Variants in FREM1 observed in about 807,000 individuals in gnomAD.
FREM1 encodes the protein FRAS1-related extracellular matrix protein 1.
Under a neutral mutation model 210.1 loss-of-function variants are expected in FREM1, and 220 were observed. The ratio of observed to expected loss-of-function variants is 1.05; its 90% CI spans 0.94 to 1.17. The LOEUF (loss-of-function observed/expected upper bound fraction) is 1.17. Among genes scored for constraint, FREM1 ranks in the 50% most tolerant of loss-of-function variants. The pLI, the probability that FREM1 is intolerant of heterozygous loss-of-function variation, is 0.00. For missense variants in FREM1, 3,454 were observed against 2,675.5 expected (o/e 1.29, Z -6.42); for synonymous variants, 1,189 against 980.2 (o/e 1.21, Z -3.98).
chr9:14,771,214 G>A (rs554569789), intron 25 of FREM1, among the ~76,000 whole-genome samples: 1 of 152,296 alleles, frequency 6.6e-6, no homozygotes, highest in Admixed American at 6.5e-5. Context: ...CAGACTTCAT[G>A]TTAACTCCAC....
At chr9:14,805,599 G>T (rs955536704) in intron 18 of FREM1, among the ~76,000 whole-genome samples, 1 of 152,224 alleles carries the variant, frequency 6.6e-6, no homozygotes, top group Non-Finnish European at 1.5e-5. Flanking sequence ...CAAGGTGCTG[G>T]ATTGAGTGGA....
intron 1 of FREM1, among the ~76,000 whole-genome samples, chr9:14,887,214 T>C (rs1201246170): frequency 6.6e-6 from 1 of 152,174 alleles, no homozygotes; most frequent in Non-Finnish European, 1.5e-5. Flanking sequence ...AATCAAGACT[T>C]AGATAGTCTT....
intron 22 of FREM1, among the ~76,000 whole-genome samples, chr9:14,792,441 A>C (rs80242133): frequency 6.6e-4 from 100 of 152,240 alleles, no homozygotes; most frequent in African/African-American, 2.3e-3. Flanking sequence ...ATCACAAAAG[A>C]TCCTGGATTA....
At position 14,776,182 on chromosome 9, in the gene FREM1, C is replaced by T; in HGVS notation, c.4464G>A (p.Leu1488=). The T allele has an allele frequency of 1.3e-6, 2 of 1,524,588 alleles. No individual in the cohort carries two copies. Among genetic ancestry groups the T allele is most frequent in the Non-Finnish European group, 1.8e-6 (2 of 1,136,646 alleles). 94.4% of individuals were successfully genotyped at this position (1,524,588 alleles called of 1,614,324 possible). ...DRFRFIISNG[L]RTEHGVFEIT... ...TCTCAAACACCCCGTGCTCGGTCCG[C>T]AGTCCATTGCTGATGATGAATCTGG... The change falls in exon 25 of 37, where the codon CTG becomes CTA. Residue 1488 remains leucine, a synonymous_variant. Transcript: ENST00000380880.
In FREM1 at chr9:14,819,323, C is replaced by G. The variant is rs763591564; in HGVS notation, c.2457G>C (p.Leu819Phe). ...TCAGCTCCACCCTTCCGTGCAGAGG[C>G]AATTCCCGCAGGGAGAGGTCAATAT... is the stretch of plus-strand genomic sequence containing the variant. ...LDNIDLSLRE[L>F]PLHGRVELNG... The change falls in exon 14 of 37, where the codon TTG becomes TTC. Residue 819 changes from leucine to phenylalanine, a missense_variant. Coordinates refer to ENST00000380880, the MANE Select transcript of FREM1 (RefSeq NM_001379081.2). 1 of 1,613,878 alleles carries G rather than the reference C, an allele frequency of 6.2e-7. No homozygotes were observed. The highest frequency in any genetic ancestry group is 1.7e-5 in the Admixed American group (1 of 60,002).
At position 14,801,646 on chromosome 9, in the gene FREM1, C is replaced by T. The variant is rs749794055; in HGVS notation, c.3694+6G>A. ...AACAAATGCATGGAAGTGGAACATG[C>T]TATACCAGTCTTGAGGAGTTCCATG... On this transcript the variant is annotated splice_donor_region_variant and intron_variant, in intron 20 of 36. Transcript: ENST00000380880. The T allele has an allele frequency of 1.3e-6, 2 of 1,576,140 alleles. No homozygotes were observed. Among genetic ancestry groups the T allele is most frequent in the Non-Finnish European group, 1.7e-6 (2 of 1,145,532 alleles).
At chr9:14,747,599 A>G in intron 32 of FREM1, 82 bp downstream of exon 32, 1 of 1,033,272 alleles carries the variant, frequency 9.7e-7, no homozygotes. Flanking sequence ...ATGTATAAAT[A>G]TAAAAAATAT....
At chr9:14,798,370 C>T (rs114811537) in intron 20 of FREM1, among the ~76,000 whole-genome samples, 2,243 of 152,166 alleles carry the variant, frequency 0.015, 52 homozygotes, top group African/African-American at 0.051. Context: ...AACAACTTTT[C>T]GGGGCTCAAG....
rs942637639 is a variant in FREM1, at chr9:14,747,497, G to A, written c.5845-69C>T. 2.7e-6 allele frequency: 4 copies of A among 1,479,316 alleles called. No homozygotes were observed. The African/African-American group carries it at 4.2e-5, about 16-fold the overall frequency. The allele number at this position is 1,479,316 out of a possible 1,614,324, so 91.6% of individuals were successfully genotyped here. A position where few individuals can be genotyped will look rare whatever the true frequency, so the allele number is the denominator to read the frequency against. ...ATCAAGATAGCAAACAAAAAAATGA[G>A]CAATTCAAAAATTCAGTCAAAGCAA... is the stretch of plus-strand genomic sequence containing the variant. On this transcript the variant is annotated intron_variant, in intron 32 of 36. Coordinates refer to ENST00000380880, the MANE Select transcript of FREM1 (RefSeq NM_001379081.2).
At chr9:14,871,933 T>A (rs1588505253) in intron 1 of FREM1, among the ~76,000 whole-genome samples, 1 of 152,208 alleles carries the variant, frequency 6.6e-6, no homozygotes, top group Non-Finnish European at 1.5e-5. Flanking sequence ...CCTTTCCCCA[T>A]TGCTTGTTTT....
At chr9:14,825,561 A>ATATATATT (rs1554685338) in intron 10 of FREM1, among the ~76,000 whole-genome samples, 1 of 129,264 alleles carries the variant, frequency 7.7e-6, no homozygotes, top group Non-Finnish European at 1.6e-5. Context: ...ATATATATAT[A>ATATATATT]TATATATATA....
At chr9:14,883,968 A>C (rs1369630509) in intron 1 of FREM1, among the ~76,000 whole-genome samples, 1 of 152,196 alleles carries the variant, frequency 6.6e-6, no homozygotes, top group Non-Finnish European at 1.5e-5. Flanking sequence ...CAAATCCTTG[A>C]AACAAATCCT....
In FREM1 at chr9:14,782,445, C is replaced by T. The variant is rs74974263; in HGVS notation, c.4442+1925G>A. On this transcript the variant is annotated intron_variant, in intron 24 of 36. Coordinates refer to ENST00000380880, the MANE Select transcript of FREM1 (RefSeq NM_001379081.2). ...AGGTCACTGGTTTCTTCAAGACAGT[C>T]ACTAATGTCTTCAGCAGACTGTCCT... The T allele has an allele frequency of 2.1e-3, 1,094 of 529,240 alleles. 8 individuals carry two copies. In the African/African-American group the frequency reaches 0.021, roughly 10 times the overall value. 32.8% of individuals were successfully genotyped at this position (529,240 alleles called of 1,614,324 possible).
Position 14,846,064 on chromosome 9 carries a change from C to A in FREM1, c.1289G>T (p.Arg430Leu). ...CTGAAACTGTTCCCAAGTGATGGCT[C>A]GAGACTGCCCCTCAAGGAGACTCAG... ...TGLSLLEGQS[R>L]AITWEQFQVV... is the part of the protein sequence containing the mutation. Residue 430 changes from arginine (R) to leucine (L), a missense_variant, in exon 8 of 37, where the codon CGA (arginine) becomes CTA (leucine). Transcript: ENST00000380880. 1 of 1,591,406 alleles carries A rather than the reference C, an allele frequency of 6.3e-7. No individual in the cohort carries two copies. Among genetic ancestry groups the A allele is most frequent in the Non-Finnish European group, 8.6e-7 (1 of 1,167,998 alleles).
chr9:14,833,143 T>C (rs12004889), intron 10 of FREM1, among the ~76,000 whole-genome samples: 2,258 of 152,266 alleles, frequency 0.015, 50 homozygotes, highest in African/African-American at 0.051. Context: ...AATAAGCCAG[T>C]TTGTCACTCT....
intron 1 of FREM1, among the ~76,000 whole-genome samples, chr9:14,900,865 G>A (rs1210540345): frequency 2.6e-5 from 4 of 152,134 alleles, no homozygotes; most frequent in African/African-American, 4.8e-5. Context: ...TTTGGTAGGA[G>A]GACTCTGGGG....
In FREM1 at chr9:14,808,469, C is replaced by A. The variant is rs536111163; in HGVS notation, c.2894-335G>T. ...GAAGGTTTCATTCTTCCCTTATAAT[C>A]ATTTCATGTTATGACCAACCTCAGG... On this transcript the variant is annotated intron_variant, in intron 16 of 36. Coordinates refer to ENST00000380880, the MANE Select transcript of FREM1 (RefSeq NM_001379081.2). Among the ~76,000 whole-genome samples, 12 of 152,254 alleles carry A rather than the reference C, an allele frequency of 7.9e-5. No individual in the cohort carries two copies. In the South Asian group the frequency reaches 2.5e-3, roughly 32 times the overall value.
rs1178938710 is a variant in FREM1 at position 14,869,228 on chromosome 9, C to A, written c.-251G>T. ...ACGCCGGCAAGATTAATGGGCTTCCCAAGTGCTTTTCTAATCCTGCAAATG... is the reference window on the plus strand; with the variant it reads ...ACGCCGGCAAGATTAATGGGCTTCCAAAGTGCTTTTCTAATCCTGCAAATG... On this transcript the variant is annotated 5_prime_UTR_variant, in exon 2 of 37. Coordinates refer to ENST00000380880, the MANE Select transcript of FREM1 (RefSeq NM_001379081.2). 2.5e-6 allele frequency: 1 copy of A among 403,604 alleles called. No homozygotes were observed. The highest frequency in any genetic ancestry group is 2.0e-5 in the African/African-American group (1 of 50,914). 25.0% of individuals were successfully genotyped at this position (403,604 alleles called of 1,614,324 possible).
At chr9:14,876,914 A>G (rs1261413167) in intron 1 of FREM1, among the ~76,000 whole-genome samples, 1 of 152,182 alleles carries the variant, frequency 6.6e-6, no homozygotes, top group Non-Finnish European at 1.5e-5. Flanking sequence ...ACATTCAGGG[A>G]GAGGAGAGGC....
Sources: gnomAD v4.1 joint callset for allele counts (sites outside exome capture counted in the v4.1 genomes callset) on GRCh38, gnomAD v4.1.1 for gene constraint, MANE v1.5 for transcripts, NCBI Gene and HGNC (gene_info 2026-07-23, HGNC 2026-07-21) for gene names.